HOXA10: variants seen among roughly 807,000 people sequenced by gnomAD.
HOXA10 encodes homeobox protein Hox-A10.
HOXA10 carries 12 observed loss-of-function variants against 29.7 expected under a neutral mutation model. That is an observed-to-expected ratio of 0.40 (90% CI 0.26 to 0.65). The LOEUF (loss-of-function observed/expected upper bound fraction) is 0.65. Among genes scored for constraint, HOXA10 ranks in the 30% least tolerant of loss-of-function variants. HOXA10 has a pLI of 0.37. For synonymous variants in HOXA10, 327 were observed against 280.7 expected, an observed-to-expected ratio of 1.16 and a Z score of -1.65; for missense variants, 656 against 585.9, an observed-to-expected ratio of 1.12 and a Z score of -1.24.
upstream of HOXA10, chr7:27,174,606 G>C: frequency 2.1e-6 from 1 of 470,902 alleles, no homozygotes; most frequent in Non-Finnish European, 3.8e-6. Flanking sequence ...CCGGACGTGA[G>C]CCCCATACCG....
rs763277990 is a variant in HOXA10 at position 27,173,797 on chromosome 7, G to A, written c.510C>T (p.Cys170=). The A allele has an allele frequency of 1.1e-5, 17 of 1,611,086 alleles. No individual in the cohort carries two copies. The highest frequency in any genetic ancestry group is 1.4e-5 in the Non-Finnish European group (17 of 1,178,812). The change falls in exon 1 of 2, where the codon TGC becomes TGT. Residue 170 remains cysteine, a synonymous_variant. Coordinates refer to ENST00000283921, the MANE Select transcript of HOXA10 (RefSeq NM_018951.4). ...AQNIKEESSY[C]LYDSADKCPK... is the part of the protein sequence containing the mutation. ...GGCATTTGTCCGCCGAGTCGTAGAG[G>A]CAGTAGGAGCTCTCTTCTTTGATGT...
chr7:27,179,851 A>G lies in HOXA10; in HGVS notation c.-196T>C, dbSNP rs141258685. On this transcript the variant is annotated 5_prime_UTR_variant, in exon 1 of 2. Transcript: ENST00000396344. ...TAGTATCAGAAGCGAACAAAGGCCA[A>G]GAATCATGCTGGGGTTCCCGGCTCC... The G allele has an allele frequency of 3.0e-5, 21 of 693,978 alleles. No homozygotes were observed. In the East Asian group the frequency reaches 5.7e-4, roughly 19 times the overall value. 43.0% of individuals were successfully genotyped at this position (693,978 alleles called of 1,614,324 possible).
chr7:27,176,814 C>G (rs1180080171), upstream of HOXA10, among the ~76,000 whole-genome samples: 1 of 152,260 alleles, frequency 6.6e-6, no homozygotes, highest in Non-Finnish European at 1.5e-5. Flanking sequence ...TCTTTCCTAA[C>G]CTTTTAGGGA....
rs1486201268 is a variant in HOXA10 at position 27,170,836 on chromosome 7, G to A, written c.*1063C>T. 2.2e-6 allele frequency: 1 copy of A among 454,138 alleles called. No individual in the cohort carries two copies. The highest frequency in any genetic ancestry group is 1.6e-5 in the South Asian group (1 of 64,294). 28.1% of individuals were successfully genotyped at this position (454,138 alleles called of 1,614,324 possible). ...TTTTTTTCTTTTTCTGCATCTACAG[G>A]TTTGACCCTTTTATGCATGTAACTT... is the stretch of plus-strand genomic sequence containing the variant. On this transcript the variant is annotated 3_prime_UTR_variant, in exon 2 of 2. Transcript: ENST00000283921.
At chr7:27,173,226 G>A (rs907130878) in intron 1 of HOXA10, 123 bp downstream of exon 1, 1 of 1,474,240 alleles carries the variant, frequency 6.8e-7, no homozygotes, top group Non-Finnish European at 9.2e-7. Flanking sequence ...CACAAGGTCA[G>A]CCTGCCTGCA....
At chr7:27,173,242 G>T in intron 1 of HOXA10, 107 bp downstream of exon 1, 20 of 1,540,216 alleles carry the variant, frequency 1.3e-5, no homozygotes, top group Non-Finnish European at 2.6e-6. Context: ...CTGCAGCTTG[G>T]GCCAAGGCCG....
upstream of HOXA10, among the ~76,000 whole-genome samples, chr7:27,177,003 T>A (rs977321901): frequency 6.6e-6 from 1 of 152,222 alleles, no homozygotes; most frequent in African/African-American, 2.4e-5. Context: ...CCAATTTGGC[T>A]GGCAAGACAA....
At position 27,170,640 on chromosome 7, in the gene HOXA10, C is replaced by A; in HGVS notation, c.*1259G>T. The A allele has an allele frequency of 2.7e-6, 1 of 367,276 alleles. No individual in the cohort carries two copies. The allele number at this position is 367,276 out of a possible 1,614,324, so 22.8% of individuals were successfully genotyped here. A position where few individuals can be genotyped will look rare whatever the true frequency, so the allele number is the denominator to read the frequency against. ...AGCTTTTATTCTATAAGAACATAAA[C>A]ATCGTCTTTTTCCACGCACAGCAGC... On this transcript the variant is annotated 3_prime_UTR_variant, in exon 2 of 2. Coordinates refer to ENST00000283921, the MANE Select transcript of HOXA10 (RefSeq NM_018951.4).
rs528609608 is a variant in HOXA10 at position 27,170,979 on chromosome 7, G to C, written c.*920C>G. The C allele has an allele frequency of 4.2e-5, 19 of 449,326 alleles. No homozygotes were observed. 27.8% of individuals were successfully genotyped at this position (449,326 alleles called of 1,614,324 possible). ...AAAACAAACAAAAAAAAAACTTTTT[G>C]TTCAAGGCGATTTAAAAAAACAACT... On this transcript the variant is annotated 3_prime_UTR_variant, in exon 2 of 2. Coordinates refer to ENST00000283921, the MANE Select transcript of HOXA10 (RefSeq NM_018951.4).
upstream of HOXA10, among the ~76,000 whole-genome samples, chr7:27,178,247 GA>G (rs914822759): frequency 2.7e-5 from 4 of 150,566 alleles, no homozygotes; most frequent in Admixed American, 6.6e-5. Context: ...AGCAAAAAAA[GA>G]AAAAAAAATC....
rs1163010053 is a variant in HOXA10 at position 27,171,490 on chromosome 7, C to A, written c.*409G>T. Reference sequence around the variant, plus strand: ...TTTGCACCATTGACCTCAGGCCAGACACCTCAGCGCCAACAATGGGACCTC... The same window carrying A: ...TTTGCACCATTGACCTCAGGCCAGAAACCTCAGCGCCAACAATGGGACCTC... On this transcript the variant is annotated 3_prime_UTR_variant, in exon 2 of 2. Transcript: ENST00000283921. 4.3e-6 allele frequency: 2 copies of A among 460,788 alleles called. No homozygotes were observed. Among genetic ancestry groups the A allele is most frequent in the Non-Finnish European group, 8.7e-6 (2 of 231,212 alleles). 28.5% of individuals were successfully genotyped at this position (460,788 alleles called of 1,614,324 possible).
intron 1 of HOXA10, chr7:27,179,523 TG>T: frequency 4.2e-6 from 3 of 707,082 alleles, no homozygotes; most frequent in Non-Finnish European, 7.9e-6. Context: ...AGCAATGGGG[TG>T]GGGGCTCCCT....
At chr7:27,179,164 G>T (rs968836100), upstream of HOXA10, among the ~76,000 whole-genome samples, 4 of 152,178 alleles carry the variant, frequency 2.6e-5, no homozygotes, top group Non-Finnish European at 5.9e-5. Flanking sequence ...TCTCCAAGCT[G>T]CCGGGCAGAC....
chr7:27,171,812 C>T lies in HOXA10; in HGVS notation c.*87G>A, dbSNP rs748838771. On this transcript the variant is annotated 3_prime_UTR_variant, in exon 2 of 2. Transcript: ENST00000283921. ...GGGAGGGAGGAACAGGGCTCCAGCA[C>T]AGGTGCGAGTTCCTGGGCAGAGCCT... The T allele has an allele frequency of 7.4e-7, 1 of 1,350,012 alleles. No homozygotes were observed. The highest frequency in any genetic ancestry group is 2.3e-5 in the East Asian group (1 of 43,658). 83.6% of individuals were successfully genotyped at this position (1,350,012 alleles called of 1,614,324 possible). A position where few individuals can be genotyped will look rare whatever the true frequency, so the allele number is the denominator to read the frequency against.
chr7:27,179,847 G>A (rs1316678304), exon 1 of HOXA10: 6 of 694,854 alleles, frequency 8.6e-6, no homozygotes, highest in South Asian at 1.5e-5. Context: ...GCGAACAAAG[G>A]CCAAGAATCA....
chr7:27,178,016 T>C (rs1783683090), upstream of HOXA10, among the ~76,000 whole-genome samples: 1 of 152,244 alleles, frequency 6.6e-6, no homozygotes, highest in South Asian at 2.1e-4. Flanking sequence ...GTTCACTAGG[T>C]ACTCCTTCTG....
At chr7:27,174,591 C>T, upstream of HOXA10, 1 of 505,020 alleles carries the variant, frequency 2.0e-6, no homozygotes, top group East Asian at 3.7e-5. Context: ...TCGCCCCGCC[C>T]CTACCCGGAC....
At position 27,174,178 on chromosome 7, in the gene HOXA10, G is replaced by C; in HGVS notation, c.129C>G (p.Gly43=). 1 of 1,598,690 alleles carries C rather than the reference G, an allele frequency of 6.3e-7. No individual in the cohort carries two copies. The highest frequency in any genetic ancestry group is 8.5e-7 in the Non-Finnish European group (1 of 1,179,446). ...CGCCCCCCGCGCCACCACCACCGCCGCCTGCCTCGCCTCTGCCCGAGCTGA... is the reference window on the plus strand; with the variant it reads ...CGCCCCCCGCGCCACCACCACCGCCCCCTGCCTCGCCTCTGCCCGAGCTGA... ...SLISSGRGEA[G]GGGGGAGGGG... is the part of the protein sequence containing the mutation. The change falls in exon 1 of 2, where the codon GGC becomes GGG. Residue 43 remains glycine, a synonymous_variant. Coordinates refer to ENST00000283921, the MANE Select transcript of HOXA10 (RefSeq NM_018951.4).
At chr7:27,178,848 T>G (rs1783700945), upstream of HOXA10, among the ~76,000 whole-genome samples, 1 of 152,200 alleles carries the variant, frequency 6.6e-6, no homozygotes, top group South Asian at 2.1e-4. Flanking sequence ...GAATCGATCC[T>G]TCAAAATGTA....
Sources: allele counts gnomAD v4.1 joint callset (sites outside exome capture counted in the v4.1 genomes callset), GRCh38; gene constraint gnomAD v4.1.1; transcripts MANE v1.5; gene names NCBI Gene and HGNC (gene_info 2026-07-23, HGNC 2026-07-21).